Variants in ANXA4 observed in about 807,000 individuals in gnomAD.
The protein encoded by ANXA4 is annexin A4.
ANXA4 carries 39 observed loss-of-function variants against 49.8 expected under a neutral mutation model. The observed-to-expected ratio is 0.78, with a 90% confidence interval of 0.61 to 1.02. The LOEUF (loss-of-function observed/expected upper bound fraction) is 1.02, where lower values mean the gene tolerates loss of function less well. Ranked by LOEUF, ANXA4 falls within the 50% of genes least tolerant of loss-of-function variation. ANXA4 has a pLI of 0.00. For synonymous variants in ANXA4, 134 were observed against 152.5 expected (o/e 0.88, Z 0.89); for missense variants, 360 against 410.1 (o/e 0.88, Z 1.05).
intron 1 of ANXA4, among the ~76,000 whole-genome samples, chr2:69,747,430 C>T (rs1456235221): frequency 3.9e-5 from 6 of 152,148 alleles, no homozygotes; most frequent in Admixed American, 3.9e-4. Flanking sequence ...CTGAGTCTTA[C>T]CCAACTTTAG....
At position 69,825,267 on chromosome 2, in the gene ANXA4, T is replaced by G. The variant is rs375768782; in HGVS notation, c.907-189T>G. Among the ~76,000 whole-genome samples, 123 of 152,278 alleles carry G rather than the reference T, an allele frequency of 8.1e-4. 1 individual carries two copies. Among genetic ancestry groups the G allele is most frequent in the African/African-American group, 2.9e-3 (119 of 41,560 alleles). On this transcript the variant is annotated intron_variant, in intron 12 of 12. Coordinates refer to ENST00000394295, the MANE Select transcript of ANXA4 (RefSeq NM_001153.5). ...AGTCTCTAGATGATGGAATAATGGT[T>G]GATTTTTGTGTTCTTTTTTGTCTTT...
chr2:69,659,812 A>G (rs1676642622), intron 2 of ANXA4, among the ~76,000 whole-genome samples: 1 of 152,208 alleles, frequency 6.6e-6, no homozygotes, highest in South Asian at 2.1e-4. Flanking sequence ...GAAAGGAAGC[A>G]GGTCTTGAAA....
chr2:69,663,292 C>G (rs1233189612), intron 2 of ANXA4, among the ~76,000 whole-genome samples: 1 of 53,370 alleles, frequency 1.9e-5, no homozygotes, highest in Non-Finnish European at 3.4e-5. Context: ...ATGCACCCGG[C>G]CTTTTTTTTT....
chr2:69,737,486 A>G (rs184814297), upstream of ANXA4, among the ~76,000 whole-genome samples: 466 of 151,962 alleles, frequency 3.1e-3, 5 homozygotes, highest in Admixed American at 8.8e-3. Context: ...GCATTCTAGG[A>G]TATTTTCTAA....
upstream of ANXA4, among the ~76,000 whole-genome samples, chr2:69,738,121 A>G (rs1219008047): frequency 6.6e-6 from 1 of 152,184 alleles, no homozygotes; most frequent in Non-Finnish European, 1.5e-5. Flanking sequence ...TGTTTAACTG[A>G]AAATCAAATC....
chr2:69,820,945 C>T (rs1055568731), intron 12 of ANXA4, 124 bp downstream of exon 12: 62 of 1,066,018 alleles, frequency 5.8e-5, no homozygotes, highest in Middle Eastern at 2.9e-4. Flanking sequence ...ATTATGCTCC[C>T]GATATTTCCA....
chr2:69,750,599 A>C (rs573453043), intron 1 of ANXA4, among the ~76,000 whole-genome samples: 1 of 152,292 alleles, frequency 6.6e-6, no homozygotes, highest in African/African-American at 2.4e-5. Context: ...TTTTTTGTAG[A>C]GACAGAGTTT....
chr2:69,676,871 C>T (rs962884870), intron 2 of ANXA4, among the ~76,000 whole-genome samples: 6 of 151,994 alleles, frequency 3.9e-5, no homozygotes, highest in African/African-American at 1.2e-4. Context: ...CCAGCCTGGG[C>T]GACAGAGCGG....
rs751697772 is a variant in ANXA4, at chr2:69,810,637, G to A, written c.441G>A (p.Ser147=). The A allele has an allele frequency of 1.2e-5, 20 of 1,613,986 alleles. No homozygotes were observed. The highest frequency in any genetic ancestry group is 1.5e-5 in the Non-Finnish European group (18 of 1,180,002). Residue 147 remains serine (S), a synonymous_variant, in exon 7 of 13, where the codon TCG becomes TCA. Coordinates refer to ENST00000394295, the MANE Select transcript of ANXA4 (RefSeq NM_001153.5). The part of the protein sequence containing the change: ...SLEDDIRSDT[S]FMFQRVLVSL... ...AAGATGACATTCGCTCTGACACATC[G>A]TTCATGTTCCAGCGAGTGCTGGTGT...
chr2:69,680,286 T>G (rs1449565912), intron 2 of ANXA4, among the ~76,000 whole-genome samples: 5 of 152,238 alleles, frequency 3.3e-5, no homozygotes, highest in Admixed American at 2.0e-4. Flanking sequence ...ATTACCTTCT[T>G]GATTTCTTTC....
chr2:69,708,576 G>C (rs1322861495), intron 2 of ANXA4, among the ~76,000 whole-genome samples: 1 of 151,996 alleles, frequency 6.6e-6, no homozygotes, highest in Non-Finnish European at 1.5e-5. Context: ...TGGGTCTCTT[G>C]GTTTTTTTTA....
chr2:69,757,364 G>C (rs1425495679), intron 1 of ANXA4, among the ~76,000 whole-genome samples: 1 of 141,846 alleles, frequency 7.0e-6, no homozygotes, highest in Non-Finnish European at 1.5e-5. Flanking sequence ...TCTGCCTCCC[G>C]GGTTGATGCC....
chr2:69,757,256 ATATATATATATTT>A lies in ANXA4; in HGVS notation c.-47+15083_-47+15095del, dbSNP rs1298684214. 4.4e-4 allele frequency among the ~76,000 whole-genome samples: 22 copies of A among 50,034 alleles called. No individual in the cohort carries two copies. In the East Asian group the frequency reaches 8.1e-3, roughly 18 times the overall value. The allele number at this position is 50,034 out of a possible 152,430, so 32.8% of individuals were successfully genotyped here. On this transcript the variant is annotated intron_variant, in intron 1 of 12. Transcript: ENST00000394295. ...TTTTGTTTTATATATATATATATAT[ATATATATATATTT>A]TTTTTTTTTTTTTTTTTTTTAGGTG...
chr2:69,696,042 A>C (rs910406944), intron 2 of ANXA4, among the ~76,000 whole-genome samples: 16 of 152,162 alleles, frequency 1.1e-4, no homozygotes, highest in African/African-American at 3.9e-4. Context: ...TGGCTGTGGC[A>C]ATTTCTTAAA....
At chr2:69,688,627 A>T (rs1195193148) in intron 2 of ANXA4, among the ~76,000 whole-genome samples, 1 of 152,226 alleles carries the variant, frequency 6.6e-6, no homozygotes, top group African/African-American at 2.4e-5. Context: ...CAAAGCAATG[A>T]GTTGGCTCCC....
intron 2 of ANXA4, among the ~76,000 whole-genome samples, chr2:69,782,087 G>T (rs550010651): frequency 4.6e-5 from 7 of 152,274 alleles, no homozygotes; most frequent in African/African-American, 1.7e-4. Context: ...ATCCCTTTGA[G>T]AGTTCTGTAA....
At chr2:69,801,261 C>A (rs1400472019) in intron 3 of ANXA4, among the ~76,000 whole-genome samples, 1 of 152,126 alleles carries the variant, frequency 6.6e-6, no homozygotes. Context: ...TTCCCTTGTG[C>A]AAGCTTTCAG....
At chr2:69,779,795 C>G (rs1014317771) in intron 1 of ANXA4, among the ~76,000 whole-genome samples, 1 of 152,196 alleles carries the variant, frequency 6.6e-6, no homozygotes, top group Non-Finnish European at 1.5e-5. Context: ...TGTTTCTGAG[C>G]CTTCCCTGGA....
intron 8 of ANXA4, chr2:69,815,664 GCA>G (rs935462815): frequency 7.8e-5 from 13 of 166,472 alleles, no homozygotes; most frequent in Non-Finnish European, 1.7e-4. Context: ...TTCCACATCT[GCA>G]CTGTCCTGTA....
Sources: allele counts gnomAD v4.1 joint callset (sites outside exome capture counted in the v4.1 genomes callset), GRCh38; gene constraint gnomAD v4.1.1; transcripts MANE v1.5; gene names NCBI Gene and HGNC (gene_info 2026-07-23, HGNC 2026-07-21).